The following DPYD variants were observed in gnomAD, a reference collection of about 807,000 sequenced individuals.
The protein encoded by DPYD is dihydropyrimidine dehydrogenase, also known as dihydropyrimidine dehydrogenase [NADP(+)].
Under a neutral mutation model 116.2 loss-of-function variants are expected in DPYD, and 109 were observed. That is an observed-to-expected ratio of 0.94 (90% CI 0.80 to 1.10). The LOEUF (loss-of-function observed/expected upper bound fraction) is 1.10. Ranked by LOEUF, DPYD falls within the 50% of genes least tolerant of loss-of-function variation. The probability of loss-of-function intolerance (pLI) is 0.00; values close to 1 mark genes in which losing one functional copy is unlikely to be tolerated. For synonymous variants in DPYD, 440 were observed against 432.0 expected, an observed-to-expected ratio of 1.02 and a Z score of -0.23; for missense variants, 1,302 against 1,254.5, an observed-to-expected ratio of 1.04 and a Z score of -0.57.
At chr1:97,887,088 C>T (rs1672534028) in intron 1 of DPYD, among the ~76,000 whole-genome samples, 1 of 151,978 alleles carries the variant, frequency 6.6e-6, no homozygotes, top group South Asian at 2.1e-4. Flanking sequence ...CCTGATAAAA[C>T]CAGGGACACC....
chr1:97,303,835 A>C (rs1010799485), intron 18 of DPYD, among the ~76,000 whole-genome samples: 2 of 151,992 alleles, frequency 1.3e-5, no homozygotes, highest in Non-Finnish European at 2.9e-5. Context: ...TTTATATATG[A>C]ATTTATAAAT....
At chr1:97,355,300 T>A (rs2101365287) in intron 16 of DPYD, among the ~76,000 whole-genome samples, 1 of 152,288 alleles carries the variant, frequency 6.6e-6, no homozygotes, top group African/African-American at 2.4e-5. Flanking sequence ...ATATTTGAGT[T>A]ACCAAGTGAT....
At chr1:97,784,079 A>G (rs1400781002) in intron 3 of DPYD, among the ~76,000 whole-genome samples, 1 of 152,218 alleles carries the variant, frequency 6.6e-6, no homozygotes, top group Non-Finnish European at 1.5e-5. Context: ...AGAGATATGA[A>G]TCACATTATC....
At chr1:97,094,167 A>G (rs10449721) in intron 21 of DPYD, among the ~76,000 whole-genome samples, 54,269 of 151,694 alleles carry the variant, frequency 0.36, 10,225 homozygotes, top group Middle Eastern at 0.47. Context: ...ACTTCTCATC[A>G]TTCCATTGAA....
At chr1:97,801,204 T>C (rs1667828602) in intron 3 of DPYD, among the ~76,000 whole-genome samples, 1 of 151,650 alleles carries the variant, frequency 6.6e-6, no homozygotes, top group African/African-American at 2.4e-5. Flanking sequence ...CGTTCCACCA[T>C]ATGAGGACAC....
chr1:97,729,539 T>A (rs1312230224), intron 4 of DPYD, among the ~76,000 whole-genome samples: 1 of 152,034 alleles, frequency 6.6e-6, no homozygotes, highest in East Asian at 1.9e-4. Flanking sequence ...ATTTACTAAA[T>A]AAATATTAAA....
At chr1:97,545,182 A>C (rs1171677220) in intron 12 of DPYD, among the ~76,000 whole-genome samples, 1 of 152,220 alleles carries the variant, frequency 6.6e-6, no homozygotes, top group Non-Finnish European at 1.5e-5. Flanking sequence ...TAATGAAAAA[A>C]AATTATGTGC....
Position 97,759,876 on chromosome 1 carries a change from T to C in DPYD, c.234-19397A>G, listed in dbSNP as rs150007267. 2.2e-3 allele frequency among the ~76,000 whole-genome samples: 337 copies of C among 152,232 alleles called. 14 individuals are homozygous for C. The East Asian group carries it at 0.059, about 27-fold the overall frequency. On this transcript the variant is annotated intron_variant, in intron 3 of 22. Coordinates refer to ENST00000370192, the MANE Select transcript of DPYD (RefSeq NM_000110.4). ...TGATCCATAACTTACACAATAACCA[T>C]ATTATTGGACAGCAAATACTTAAAT...
intron 19 of DPYD, among the ~76,000 whole-genome samples, chr1:97,221,370 C>G (rs1188145776): frequency 8.0e-6 from 1 of 125,636 alleles, no homozygotes; most frequent in Non-Finnish European, 1.8e-5. Context: ...GGAAAGTCAA[C>G]TGATAAAATG....
At chr1:97,106,224 G>A (rs1651127370) in intron 20 of DPYD, among the ~76,000 whole-genome samples, 1 of 152,092 alleles carries the variant, frequency 6.6e-6, no homozygotes, top group African/African-American at 2.4e-5. Flanking sequence ...TATTTTCAAA[G>A]CTGTTATAGT....
At chr1:97,424,866 C>T (rs1015252805) in intron 14 of DPYD, among the ~76,000 whole-genome samples, 2 of 151,990 alleles carry the variant, frequency 1.3e-5, no homozygotes, top group Non-Finnish European at 2.9e-5. Flanking sequence ...TTAAACTGAC[C>T]ATTGTCAGCT....
intron 2 of DPYD, among the ~76,000 whole-genome samples, chr1:97,838,109 C>A (rs1669857601): frequency 6.6e-6 from 1 of 151,968 alleles, no homozygotes; most frequent in Admixed American, 6.5e-5. Context: ...ACAGATTAGA[C>A]CAGAAATATA....
chr1:97,262,190 G>A (rs1439740903), intron 18 of DPYD, among the ~76,000 whole-genome samples: 1 of 151,938 alleles, frequency 6.6e-6, no homozygotes, highest in East Asian at 1.9e-4. Flanking sequence ...GAAATGTCTA[G>A]TTACTACTTT....
intron 16 of DPYD, among the ~76,000 whole-genome samples, chr1:97,331,542 T>C (rs1570540215): frequency 6.6e-6 from 1 of 152,154 alleles, no homozygotes; most frequent in Non-Finnish European, 1.5e-5. Context: ...CATTCACCAA[T>C]AGTTGAAACT....
intron 8 of DPYD, among the ~76,000 whole-genome samples, chr1:97,663,645 T>A (rs991977562): frequency 2.0e-5 from 3 of 152,154 alleles, no homozygotes; most frequent in African/African-American, 7.2e-5. Context: ...CACATCAAAA[T>A]CCTTCATTTT....
At chr1:97,594,956 G>C in intron 9 of DPYD, 103 bp downstream of exon 9, 1 of 915,240 alleles carries the variant, frequency 1.1e-6, no homozygotes, top group Non-Finnish European at 1.7e-6. Flanking sequence ...GCAAGGTTGG[G>C]TGTGAGAGCT....
chr1:97,470,331 AAATT>A (rs1297051529), intron 13 of DPYD, among the ~76,000 whole-genome samples: 2 of 152,212 alleles, frequency 1.3e-5, no homozygotes, highest in Middle Eastern at 3.2e-3. Flanking sequence ...AACATCTCAA[AAATT>A]AATTGACACA....
At chr1:97,139,454 G>A (rs1040706575) in intron 20 of DPYD, among the ~76,000 whole-genome samples, 3 of 152,080 alleles carry the variant, frequency 2.0e-5, no homozygotes, top group Admixed American at 6.6e-5. Context: ...ACACTCATAA[G>A]TTTAGATATG....
At chr1:97,504,028 C>A (rs776605478) in intron 13 of DPYD, among the ~76,000 whole-genome samples, 1 of 151,940 alleles carries the variant, frequency 6.6e-6, no homozygotes, top group Non-Finnish European at 1.5e-5. Flanking sequence ...TTAGGGAACT[C>A]TTACACCCTT....
Sources: gnomAD v4.1 joint callset for allele counts (sites outside exome capture counted in the v4.1 genomes callset) on GRCh38, gnomAD v4.1.1 for gene constraint, MANE v1.5 for transcripts, NCBI Gene and HGNC (gene_info 2026-07-23, HGNC 2026-07-21) for gene names.